The following SLC4A5 variants were observed in gnomAD, a reference collection of about 807,000 sequenced individuals.
The protein encoded by SLC4A5 is electrogenic sodium bicarbonate cotransporter 4.
SLC4A5 carries 96 observed loss-of-function variants against 120.4 expected under a neutral mutation model. That is an observed-to-expected ratio of 0.80 (90% CI 0.68 to 0.94). The LOEUF (loss-of-function observed/expected upper bound fraction) is 0.94. Ranked by LOEUF, SLC4A5 falls within the 40% of genes least tolerant of loss-of-function variation. SLC4A5 has a pLI of 0.00. For synonymous variants in SLC4A5, 550 were observed against 571.1 expected, an observed-to-expected ratio of 0.96 and a Z score of 0.53; for missense variants, 1,259 against 1,459.5, an observed-to-expected ratio of 0.86 and a Z score of 2.24.
intron 22 of SLC4A5, among the ~76,000 whole-genome samples, chr2:74,233,778 A>G (rs1209537456): frequency 1.3e-5 from 2 of 152,198 alleles, no homozygotes; most frequent in African/African-American, 4.8e-5. Context: ...AAAACTAAGA[A>G]GGTAATTTGC....
In SLC4A5 at chr2:74,255,722, C is replaced by G. The variant is rs1670942388; in HGVS notation, c.1025+53G>C. On this transcript the variant is annotated intron_variant, in intron 13 of 30. Transcript: ENST00000394019. The surrounding 1 kb of genome is among the most constrained non-coding windows in gnomAD (Gnocchi z 4.0). Reference sequence around the variant, plus strand: ...TCAACAGCACTGCTTGCTGACTGCACTGCTGACTGGCTACCTGAGAGTGGC... The same window carrying G: ...TCAACAGCACTGCTTGCTGACTGCAGTGCTGACTGGCTACCTGAGAGTGGC... The G allele has an allele frequency of 1.2e-6, 2 of 1,604,594 alleles. No individual in the cohort carries two copies.
chr2:74,304,534 C>G (rs376585766), exon 7 of SLC4A5: 3 of 1,613,918 alleles, frequency 1.9e-6, no homozygotes, highest in African/African-American at 2.7e-5. Flanking sequence ...CTGCTTGCCC[C>G]ACTCCCTGGG....
At chr2:74,233,678 G>T (rs1344008596) in intron 22 of SLC4A5, 115 bp from the exon 23 acceptor site, 2 of 1,283,534 alleles carry the variant, frequency 1.6e-6, no homozygotes, top group African/African-American at 1.5e-5. Context: ...TACTTTTCAA[G>T]TGCAATCTTT....
At chr2:74,289,561 C>T (rs373943840) in intron 7 of SLC4A5, among the ~76,000 whole-genome samples, 1 of 152,216 alleles carries the variant, frequency 6.6e-6, no homozygotes, top group Admixed American at 6.5e-5. Flanking sequence ...AAGAAATCCA[C>T]CTGCTTCAGC....
At chr2:74,264,151 G>T (rs1014993116) in exon 10 of SLC4A5, 2 of 1,613,562 alleles carry the variant, frequency 1.2e-6, no homozygotes, top group Non-Finnish European at 1.7e-6. Context: ...ACTCACTTGT[G>T]GTGGAGACTG....
At position 74,331,120 on chromosome 2, in the gene SLC4A5, T is replaced by C. The variant is rs1398491210; in HGVS notation, c.-70+2907A>G. ...TGACGTATAGATGGTGGTGGTGAGGTGTAGATGGAGGAGGTGAGGTCTAGA... is the reference window on the plus strand; with the variant it reads ...TGACGTATAGATGGTGGTGGTGAGGCGTAGATGGAGGAGGTGAGGTCTAGA... On this transcript the variant is annotated intron_variant, in intron 4 of 30. Transcript: ENST00000394019. Among the ~76,000 whole-genome samples the C allele has an allele frequency of 2.7e-5, 4 of 147,072 alleles. No individual in the cohort carries two copies. The East Asian group carries it at 6.1e-4, about 23-fold the overall frequency.
At chr2:74,233,456 G>A (rs1338861500) in exon 23 of SLC4A5, 1 of 1,614,234 alleles carries the variant, frequency 6.2e-7, no homozygotes, top group South Asian at 1.1e-5. Context: ...GCTGGTCCAT[G>A]AAGATCAGGA....
chr2:74,234,588 A>C (rs1222833395), intron 22 of SLC4A5, among the ~76,000 whole-genome samples: 1 of 152,224 alleles, frequency 6.6e-6, no homozygotes, highest in African/African-American at 2.4e-5. Context: ...GCATACTCCA[A>C]GTCACCTGAA....
In SLC4A5 at chr2:74,285,509, G is replaced by A. The variant is rs1463396867; in HGVS notation, c.401+264C>T. Reference sequence around the variant, plus strand: ...TGCCCTATGGATATGGAGGGACAATGGTATATGCCCTTGTATTACTCTCAG... The same window carrying A: ...TGCCCTATGGATATGGAGGGACAATAGTATATGCCCTTGTATTACTCTCAG... On this transcript the variant is annotated intron_variant, in intron 8 of 30. Transcript: ENST00000394019. 2.6e-5 allele frequency among the ~76,000 whole-genome samples: 4 copies of A among 152,178 alleles called. No homozygotes were observed. In the South Asian group the frequency reaches 6.2e-4, roughly 24 times the overall value.
chr2:74,284,718 T>A (rs904470440), intron 8 of SLC4A5, among the ~76,000 whole-genome samples: 4 of 152,138 alleles, frequency 2.6e-5, no homozygotes, highest in African/African-American at 9.7e-5. Context: ...AAGGCCCCTT[T>A]GTCACAGGCA....
intron 6 of SLC4A5, among the ~76,000 whole-genome samples, chr2:74,314,056 C>A (rs1430124062): frequency 1.3e-5 from 2 of 152,114 alleles, no homozygotes; most frequent in East Asian, 3.9e-4. Context: ...CATGATTATG[C>A]AAATTGTAAG....
chr2:74,236,423 G>A (rs1473571186), intron 21 of SLC4A5, among the ~76,000 whole-genome samples: 1 of 151,852 alleles, frequency 6.6e-6, no homozygotes. Flanking sequence ...ATCTTGCAAG[G>A]TGAGGACCAC....
At chr2:74,227,652 G>T in intron 26 of SLC4A5, 158 bp downstream of exon 26, 2 of 1,192,586 alleles carry the variant, frequency 1.7e-6, no homozygotes, top group African/African-American at 1.5e-5. Context: ...TTGCCTGATA[G>T]CATCAGTAAG....
exon 19 of SLC4A5, chr2:74,247,093 C>T (rs1295009324): frequency 3.1e-6 from 5 of 1,614,024 alleles, no homozygotes; most frequent in Non-Finnish European, 3.4e-6. Flanking sequence ...GGCTTGAAGT[C>T]CATATTGATA....
At chr2:74,274,978 T>C (rs1671592252) in intron 8 of SLC4A5, among the ~76,000 whole-genome samples, 1 of 152,220 alleles carries the variant, frequency 6.6e-6, no homozygotes, top group Non-Finnish European at 1.5e-5. Context: ...ATCAGATTGA[T>C]AGGGCCTTCT....
chr2:74,227,497 A>C, intron 26 of SLC4A5: 1 of 1,607,792 alleles, frequency 6.2e-7, no homozygotes, highest in Non-Finnish European at 8.5e-7. Context: ...GAAGAGAGAG[A>C]GGTACAGTGA....
chr2:74,309,913 C>T (rs553803755), intron 6 of SLC4A5, among the ~76,000 whole-genome samples: 4 of 151,894 alleles, frequency 2.6e-5, no homozygotes, highest in Middle Eastern at 3.4e-3. Flanking sequence ...CTGCCTGCCT[C>T]GGCCTCCCAA....
chr2:74,321,536 T>C (rs757910821), intron 5 of SLC4A5, among the ~76,000 whole-genome samples: 5 of 152,084 alleles, frequency 3.3e-5, no homozygotes, highest in Non-Finnish European at 7.4e-5. Context: ...TACTAAAAAT[T>C]ATGTGTTGAC....
chr2:74,245,734 T>A (rs976512307), intron 19 of SLC4A5, among the ~76,000 whole-genome samples: 1 of 152,234 alleles, frequency 6.6e-6, no homozygotes, highest in African/African-American at 2.4e-5. Flanking sequence ...CAGGACATCT[T>A]TATCTTCCAC....
Sources: gnomAD v4.1 joint callset for allele counts (sites outside exome capture counted in the v4.1 genomes callset) on GRCh38, gnomAD v4.1.1 for gene constraint, Gnocchi (gnomAD v3.1) non-coding constraint, MANE v1.5 for transcripts, NCBI Gene and HGNC (gene_info 2026-07-23, HGNC 2026-07-21) for gene names.